Variants in SDK1 observed in about 807,000 individuals in gnomAD.
SDK1 encodes the protein sidekick cell adhesion molecule 1.
A neutral mutation model predicts 245.5 loss-of-function variants in SDK1; 157 were observed. The ratio of observed to expected loss-of-function variants is 0.64; its 90% CI spans 0.56 to 0.73. The LOEUF is 0.73. SDK1 is among the 30% of genes least tolerant of loss of function. The probability of loss-of-function intolerance (pLI) is 0.00; values close to 1 mark genes in which losing one functional copy is unlikely to be tolerated. For missense variants in SDK1, 3,583 were observed against 3,002.3 expected (o/e 1.19, Z -4.52); for synonymous variants, 1,647 against 1,278.5 (o/e 1.29, Z -6.15).
At chr7:3,774,840 C>A (rs182297870) in intron 4 of SDK1, among the ~76,000 whole-genome samples, 16 of 152,308 alleles carry the variant, frequency 1.1e-4, no homozygotes, top group Admixed American at 9.8e-4. Context: ...AACCATGATC[C>A]TACAAGTCTG....
Position 4,026,781 on chromosome 7 carries a change from C to T in SDK1, c.2602+9429C>T, listed in dbSNP as rs1018381486. On this transcript the variant is annotated intron_variant, in intron 17 of 44. Transcript: ENST00000404826. The surrounding 1 kb of genome is among the most constrained non-coding windows in gnomAD (Gnocchi z 4.1). ...CACCATAACAACGCGAGAACTCAGC[C>T]GTGGCCCATAACAATCTGGAATTAA... is the stretch of plus-strand genomic sequence containing the variant. Among the ~76,000 whole-genome samples the T allele has an allele frequency of 2.6e-5, 4 of 152,108 alleles. No individual in the cohort carries two copies. Among genetic ancestry groups the T allele is most frequent in the African/African-American group, 4.8e-5 (2 of 41,396 alleles).
At chr7:3,803,007 C>T (rs1779144635) in intron 4 of SDK1, among the ~76,000 whole-genome samples, 2 of 152,022 alleles carry the variant, frequency 1.3e-5, no homozygotes, top group Admixed American at 6.6e-5. Context: ...ATCGGTGGGT[C>T]GAATGTAAGT....
intron 17 of SDK1, among the ~76,000 whole-genome samples, chr7:4,024,894 C>G (rs1239652504): frequency 1.5e-5 from 2 of 132,248 alleles, no homozygotes; most frequent in Non-Finnish European, 3.2e-5. Flanking sequence ...ATTCCCACAG[C>G]CGCATTATGT....
intron 1 of SDK1, among the ~76,000 whole-genome samples, chr7:3,527,577 C>T (rs1268429038): frequency 6.6e-6 from 1 of 151,704 alleles, no homozygotes; most frequent in Admixed American, 6.6e-5. Context: ...GAGGCTGGAT[C>T]ATAGCCAGTT....
At chr7:3,861,382 A>G (rs1421887487) in intron 5 of SDK1, among the ~76,000 whole-genome samples, 3 of 152,192 alleles carry the variant, frequency 2.0e-5, no homozygotes, top group Admixed American at 1.3e-4. Flanking sequence ...AAGTTGAAGC[A>G]TCTTCTTGCT....
chr7:3,752,625 G>C (rs1039348979), intron 4 of SDK1, among the ~76,000 whole-genome samples: 18 of 152,064 alleles, frequency 1.2e-4, no homozygotes, highest in Admixed American at 1.2e-3. Context: ...TTCTAGCATG[G>C]ATTTACGTCA....
intron 1 of SDK1, among the ~76,000 whole-genome samples, chr7:3,353,348 G>A (rs1780709829): frequency 6.6e-6 from 1 of 152,098 alleles, no homozygotes; most frequent in Non-Finnish European, 1.5e-5. Flanking sequence ...AATAAAAGTT[G>A]CTATAACCTT....
chr7:3,436,217 A>G (rs537879483), intron 1 of SDK1, among the ~76,000 whole-genome samples: 1 of 152,238 alleles, frequency 6.6e-6, no homozygotes, highest in East Asian at 1.9e-4. Flanking sequence ...GGAAGTTTAG[A>G]CCCAATTTGC....
chr7:3,725,623 G>T (rs958090489), intron 4 of SDK1, among the ~76,000 whole-genome samples: 1 of 152,104 alleles, frequency 6.6e-6, no homozygotes, highest in Non-Finnish European at 1.5e-5. Context: ...AGAGACAGGA[G>T]CCCCAAGAAC....
chr7:3,882,774 C>A (rs1399889216), intron 5 of SDK1, among the ~76,000 whole-genome samples: 1 of 151,970 alleles, frequency 6.6e-6, no homozygotes, highest in Non-Finnish European at 1.5e-5. Context: ...CTGGAAACCA[C>A]TTTGTTAGCA....
intron 1 of SDK1, among the ~76,000 whole-genome samples, chr7:3,373,024 T>C (rs551086019): frequency 1.3e-5 from 2 of 152,366 alleles, no homozygotes; most frequent in South Asian, 4.1e-4. Flanking sequence ...AAGTAGAGTT[T>C]ATTCTATGCT....
At chr7:4,123,040 C>T (rs1055923137) in intron 25 of SDK1, among the ~76,000 whole-genome samples, 2 of 152,204 alleles carry the variant, frequency 1.3e-5, no homozygotes, top group Admixed American at 1.3e-4. Context: ...CCAGGTTGCC[C>T]TCTTTCTCCA....
chr7:4,235,387 C>T (rs555759729), intron 41 of SDK1, among the ~76,000 whole-genome samples: 7 of 152,186 alleles, frequency 4.6e-5, no homozygotes, highest in Non-Finnish European at 1.0e-4. Context: ...TGGTCTCGAA[C>T]TCCTGACCTC....
At chr7:3,966,761 C>T (rs889934078) in intron 9 of SDK1, among the ~76,000 whole-genome samples, 1 of 152,136 alleles carries the variant, frequency 6.6e-6, no homozygotes, top group African/African-American at 2.4e-5. Flanking sequence ...TCATCACTCA[C>T]TGCAGCCTCA....
At chr7:3,873,826 G>A (rs1781012352) in intron 5 of SDK1, among the ~76,000 whole-genome samples, 2 of 151,928 alleles carry the variant, frequency 1.3e-5, no homozygotes, top group African/African-American at 4.8e-5. Flanking sequence ...CCATTTTTGT[G>A]TGAAATTACC....
At chr7:4,262,249 GCTGGTCTCGAACTC>G (rs1181540029) in intron 44 of SDK1, among the ~76,000 whole-genome samples, 1 of 151,364 alleles carries the variant, frequency 6.6e-6, no homozygotes, top group Non-Finnish European at 1.5e-5. Context: ...TGTTGGACAG[GCTGGTCTCGAACTC>G]CTGACCTCAG....
At chr7:4,227,227 C>G (rs1785496967) in intron 40 of SDK1, 3 of 344,424 alleles carry the variant, frequency 8.7e-6, no homozygotes, top group African/African-American at 6.5e-5. Flanking sequence ...GTTGCCATGG[C>G]TCTGATGGTG....
At chr7:3,602,311 C>T (rs1377292392) in intron 1 of SDK1, among the ~76,000 whole-genome samples, 1 of 151,088 alleles carries the variant, frequency 6.6e-6, no homozygotes, top group Non-Finnish European at 1.5e-5. Context: ...AAAAGTGTTC[C>T]TATTTCTCCA....
intron 5 of SDK1, among the ~76,000 whole-genome samples, chr7:3,945,928 A>AAAAAAAAT: frequency 7.0e-6 from 1 of 142,524 alleles, no homozygotes; most frequent in Non-Finnish European, 1.5e-5. Context: ...AAAAAAAAAA[A>AAAAAAAAT]AAAAAGATAA....
Sources: allele counts gnomAD v4.1 joint callset (sites outside exome capture counted in the v4.1 genomes callset), GRCh38; gene constraint gnomAD v4.1.1; non-coding constraint Gnocchi (gnomAD v3.1); transcripts MANE v1.5; gene names NCBI Gene and HGNC (gene_info 2026-07-23, HGNC 2026-07-21).